Variants in VPS13C observed in about 807,000 individuals in gnomAD.
VPS13C encodes the protein intermembrane lipid transfer protein VPS13C.
Under a neutral mutation model 456.8 loss-of-function variants are expected in VPS13C, and 358 were observed. The ratio of observed to expected loss-of-function variants is 0.78; its 90% CI spans 0.72 to 0.86. VPS13C has a LOEUF of 0.86. Ranked by LOEUF, VPS13C falls within the 40% of genes least tolerant of loss-of-function variation. The pLI, the probability that VPS13C is intolerant of heterozygous loss-of-function variation, is 0.00. For missense variants in VPS13C, 4,818 were observed against 4,385.4 expected, an observed-to-expected ratio of 1.10 and a Z score of -2.79; for synonymous variants, 1,578 against 1,486.7, an observed-to-expected ratio of 1.06 and a Z score of -1.41.
At chr15:61,865,201 C>T in intron 81 of VPS13C, 2 of 984,538 alleles carry the variant, frequency 2.0e-6, no homozygotes, top group African/African-American at 3.5e-5. Flanking sequence ...AAGCCCTTTA[C>T]CCAGTAATTC....
chr15:61,885,861 G>A (rs1376407625), intron 67 of VPS13C, among the ~76,000 whole-genome samples: 1 of 152,034 alleles, frequency 6.6e-6, no homozygotes, highest in Non-Finnish European at 1.5e-5. Context: ...ATTTATACAG[G>A]TTAATCCTTT....
At chr15:61,956,261 T>C (rs530789147) in intron 37 of VPS13C, among the ~76,000 whole-genome samples, 1 of 145,458 alleles carries the variant, frequency 6.9e-6, no homozygotes, top group East Asian at 2.0e-4. Flanking sequence ...CACTCGTAAG[T>C]GGGAGCTAAA....
rs764210128 is a variant in VPS13C at position 62,044,240 on chromosome 15, T to C, written c.116A>G (p.Asp39Gly). 9 of 1,479,734 alleles carry C rather than the reference T, an allele frequency of 6.1e-6. No homozygotes were observed. The highest frequency in any genetic ancestry group is 5.7e-5 in the Admixed American group (3 of 52,594). 91.7% of individuals were successfully genotyped at this position (1,479,734 alleles called of 1,614,324 possible). A position where few individuals can be genotyped will look rare whatever the true frequency, so the allele number is the denominator to read the frequency against. ...LGIWGGNVAL[D>G]NLQIKENALS... ...GGCATTTTCTTTTATCTGTAGATTA[T>C]CTAAAGCCACATTTCCTTTAAAAAA... The change falls in exon 2 of 85, where the codon GAT becomes GGT. Residue 39 changes from aspartate (D) to glycine (G), a missense_variant. Coordinates refer to ENST00000644861, the MANE Select transcript of VPS13C (RefSeq NM_020821.3).
intron 67 of VPS13C, among the ~76,000 whole-genome samples, chr15:61,889,904 GGAC>G (rs1446864923): frequency 6.6e-6 from 1 of 151,618 alleles, no homozygotes; most frequent in Non-Finnish European, 1.5e-5. Context: ...CACACATTAA[GGAC>G]AACAAGGAAA....
At chr15:62,057,837 T>C (rs1446389455) in intron 1 of VPS13C, among the ~76,000 whole-genome samples, 2 of 152,232 alleles carry the variant, frequency 1.3e-5, no homozygotes, top group African/African-American at 4.8e-5. Flanking sequence ...TACTCCTCAA[T>C]GTCATGGTAA....
At chr15:61,916,816 T>C (rs2043486948) in intron 60 of VPS13C, among the ~76,000 whole-genome samples, 1 of 152,174 alleles carries the variant, frequency 6.6e-6, no homozygotes, top group African/African-American at 2.4e-5. Flanking sequence ...TTATTTTCAA[T>C]AGAACCTTGA....
At chr15:62,039,735 G>A (rs565570054) in intron 3 of VPS13C, among the ~76,000 whole-genome samples, 1 of 152,234 alleles carries the variant, frequency 6.6e-6, no homozygotes, top group African/African-American at 2.4e-5. Context: ...GTGGAGAAAA[G>A]GAAGACCTTG....
intron 15 of VPS13C, among the ~76,000 whole-genome samples, chr15:62,004,123 G>A (rs1475272476): frequency 6.6e-6 from 1 of 151,854 alleles, no homozygotes; most frequent in Non-Finnish European, 1.5e-5. Context: ...ACCTCTGGTA[G>A]AATTCGGCTG....
At chr15:61,990,471 A>G (rs1241297130) in intron 18 of VPS13C, among the ~76,000 whole-genome samples, 1 of 152,198 alleles carries the variant, frequency 6.6e-6, no homozygotes, top group African/African-American at 2.4e-5. Context: ...GCACTATAAT[A>G]AGTACTTTTG....
Position 61,895,994 on chromosome 15 carries a change from G to C in VPS13C, c.9106-5594C>G, listed in dbSNP as rs543695753. On this transcript the variant is annotated intron_variant, in intron 66 of 84. Transcript: ENST00000644861. ...TAACACAAAGAAATGATAAATATTTGAGATATGAATATGTTAACTACCCTG... is the reference window on the plus strand; with the variant it reads ...TAACACAAAGAAATGATAAATATTTCAGATATGAATATGTTAACTACCCTG... 1.3e-3 allele frequency among the ~76,000 whole-genome samples: 199 copies of C among 152,186 alleles called. 1 individual carries two copies. The highest frequency in any genetic ancestry group is 4.5e-3 in the African/African-American group (188 of 41,520).
intron 1 of VPS13C, among the ~76,000 whole-genome samples, chr15:62,046,487 T>A (rs1567146611): frequency 1.3e-5 from 2 of 152,204 alleles, no homozygotes; most frequent in Non-Finnish European, 2.9e-5. Context: ...GGGAAGTCTA[T>A]TCTAGCCTAC....
chr15:61,874,255 G>T (rs1480846052), intron 77 of VPS13C, among the ~76,000 whole-genome samples: 1 of 151,918 alleles, frequency 6.6e-6, no homozygotes, highest in Non-Finnish European at 1.5e-5. Flanking sequence ...ATAAGTTCTA[G>T]CATGCTATAG....
intron 1 of VPS13C, among the ~76,000 whole-genome samples, chr15:62,059,814 A>C (rs966865918): frequency 6.6e-6 from 1 of 152,250 alleles, no homozygotes; most frequent in Non-Finnish European, 1.5e-5. Flanking sequence ...TGCTCCCTGT[A>C]AAATGATAGT....
chr15:61,882,822 G>GA (rs1372252468), intron 68 of VPS13C, 86 bp from the exon 69 acceptor site: 539 of 1,358,416 alleles, frequency 4.0e-4, no homozygotes, highest in Non-Finnish European at 4.9e-4. Flanking sequence ...TGATCAAATT[G>GA]AAAAAATCTT....
At chr15:61,903,865 GAGAAT>G (rs1267706017) in intron 66 of VPS13C, among the ~76,000 whole-genome samples, 3 of 152,142 alleles carry the variant, frequency 2.0e-5, no homozygotes, top group African/African-American at 7.2e-5. Flanking sequence ...AAGGCGGCAA[GAGAAT>G]ATACTGGAAA....
intron 6 of VPS13C, among the ~76,000 whole-genome samples, chr15:62,025,513 C>A (rs1443979675): frequency 6.6e-6 from 1 of 152,084 alleles, no homozygotes; most frequent in Non-Finnish European, 1.5e-5. Flanking sequence ...TTCCACTTGG[C>A]TAGAACAGCT....
At chr15:61,978,535 A>C (rs1280624917) in intron 23 of VPS13C, 91 bp downstream of exon 23, 1 of 1,423,816 alleles carries the variant, frequency 7.0e-7, no homozygotes, top group Non-Finnish European at 9.3e-7. Context: ...AATGGTTGTC[A>C]GGGTTGATAT....
chr15:61,892,628 G>A (rs1377582017), intron 66 of VPS13C, among the ~76,000 whole-genome samples: 1 of 152,068 alleles, frequency 6.6e-6, no homozygotes, highest in Non-Finnish European at 1.5e-5. Flanking sequence ...GGGAACCATG[G>A]CCTCCCCAAA....
At chr15:62,053,099 T>G (rs1032635405) in intron 1 of VPS13C, among the ~76,000 whole-genome samples, 2 of 152,204 alleles carry the variant, frequency 1.3e-5, no homozygotes, top group Non-Finnish European at 2.9e-5. Context: ...AAGCACCGCT[T>G]TAACTGGTAG....
Sources: gnomAD v4.1 joint callset for allele counts (sites outside exome capture counted in the v4.1 genomes callset) on GRCh38, gnomAD v4.1.1 for gene constraint, MANE v1.5 for transcripts, NCBI Gene and HGNC (gene_info 2026-07-23, HGNC 2026-07-21) for gene names.